RNF170: variants seen among roughly 807,000 people sequenced by gnomAD.
RNF170 encodes the protein E3 ubiquitin-protein ligase RNF170.
In RNF170, 12 loss-of-function variants were observed where a neutral mutation model predicts 32.7. That is an observed-to-expected ratio of 0.37 (90% CI 0.24 to 0.60). RNF170 has a LOEUF of 0.60. RNF170 is among the 20% of genes least tolerant of loss of function. The pLI is 0.72. For missense variants in RNF170, 212 were observed against 311.2 expected (o/e 0.68, Z 2.40); for synonymous variants, 91 against 103.6 (o/e 0.88, Z 0.74).
At chr8:42,869,924 A>T in intron 4 of RNF170, 80 bp downstream of exon 4, 2 of 967,984 alleles carry the variant, frequency 2.1e-6, no homozygotes, top group Non-Finnish European at 3.3e-6. Context: ...ACAAAGAGAA[A>T]ATTGGGAATC....
chr8:42,896,274 G>T lies in RNF170; in HGVS notation c.-8+210C>A, dbSNP rs757704264. On this transcript the variant is annotated intron_variant, in intron 1 of 6. Coordinates refer to ENST00000527424, the MANE Select transcript of RNF170 (RefSeq NM_030954.4). ...CCCACCTAGAGCCGCTCTCCGCGTC[G>T]GCCCCTCCACCGTCGCCGGCGACTC... The T allele has an allele frequency of 1.3e-3, 450 of 343,644 alleles. 1 individual carries two copies. Among genetic ancestry groups the T allele is most frequent in the Non-Finnish European group, 2.2e-3 (386 of 178,546 alleles). The allele number at this position is 343,644 out of a possible 1,614,324, so 21.3% of individuals were successfully genotyped here.
At chr8:42,886,432 T>C (rs1003947119) in intron 2 of RNF170, among the ~76,000 whole-genome samples, 3 of 152,122 alleles carry the variant, frequency 2.0e-5, no homozygotes, top group Non-Finnish European at 4.4e-5. Context: ...TCACTCTGGA[T>C]TATCACTCTA....
Position 42,858,167 on chromosome 8 carries a change from A to G in RNF170, c.508-1739T>C, listed in dbSNP as rs565464414. On this transcript the variant is annotated intron_variant, in intron 6 of 6. Coordinates refer to ENST00000527424, the MANE Select transcript of RNF170 (RefSeq NM_030954.4). ...TCACCGGAGGATATGTAAAAAAAAA[A>G]TTGCTGGGTCAAAATTGCAGAAGAG... Among the ~76,000 whole-genome samples the G allele has an allele frequency of 2.0e-5, 3 of 152,300 alleles. No homozygotes were observed. The South Asian group carries it at 6.2e-4, about 32-fold the overall frequency.
intron 1 of RNF170, among the ~76,000 whole-genome samples, chr8:42,894,805 C>T (rs1224115545): frequency 6.6e-6 from 1 of 152,120 alleles, no homozygotes; most frequent in Admixed American, 6.5e-5. Context: ...CCGCTCGCCT[C>T]GGCCTCCCAA....
chr8:42,862,857 C>T (rs1371033455), intron 5 of RNF170, among the ~76,000 whole-genome samples: 2 of 152,222 alleles, frequency 1.3e-5, no homozygotes, highest in Admixed American at 6.5e-5. Flanking sequence ...CAAAAGCCTG[C>T]TCCAGGGTGA....
chr8:42,870,509 T>C (rs993727286), intron 3 of RNF170, among the ~76,000 whole-genome samples: 1 of 152,080 alleles, frequency 6.6e-6, no homozygotes, highest in Non-Finnish European at 1.5e-5. Flanking sequence ...AGTGGATCAC[T>C]TGAGCCTAGG....
At chr8:42,870,192 AAC>A (rs1804423511) in intron 3 of RNF170, 80 bp from the exon 4 acceptor site, 1 of 981,802 alleles carries the variant, frequency 1.0e-6, no homozygotes, top group Admixed American at 1.9e-5. Flanking sequence ...TATATTTGAG[AAC>A]AGAGTCAGCA....
In RNF170 at chr8:42,887,740, T is replaced by A; in HGVS notation, c.125A>T (p.Tyr42Phe). ...VSFALIATLV[Y>F]ALFRNVHQNI... ...CCTTAAATCTCACCTGAAAAGTGCATATACCAGGGTAGCAATCAAAGCGAA... is the reference window on the plus strand; with the variant it reads ...CCTTAAATCTCACCTGAAAAGTGCAAATACCAGGGTAGCAATCAAAGCGAA... Residue 42 changes from tyrosine to phenylalanine, a missense_variant, in exon 2 of 7, where the codon TAT becomes TTT. Around this residue, in one of 2 missense-constraint regions of RNF170, gnomAD observed 115 missense variants for 132.3 expected, o/e 0.87. Transcript: ENST00000527424. The A allele has an allele frequency of 1.9e-6, 3 of 1,614,120 alleles. No individual in the cohort carries two copies. The highest frequency in any genetic ancestry group is 2.5e-6 in the Non-Finnish European group (3 of 1,179,986).
Position 42,870,124 on chromosome 8 carries a change from A to G in RNF170, c.214-12T>C, listed in dbSNP as rs1475426938. The stretch of plus-strand genomic sequence containing the variant: ...GCAGCAGGTGCATCCTAATAAGAAC[A>G]CAGGTGCACACATTGGAACACAACA... On this transcript the variant is annotated splice_polypyrimidine_tract_variant and intron_variant, in intron 3 of 6. Coordinates refer to ENST00000527424, the MANE Select transcript of RNF170 (RefSeq NM_030954.4). 4 of 1,572,110 alleles carry G rather than the reference A, an allele frequency of 2.5e-6. No homozygotes were observed. Among genetic ancestry groups the G allele is most frequent in the Non-Finnish European group, 3.5e-6 (4 of 1,142,100 alleles).
At chr8:42,870,465 G>A (rs113435644) in intron 3 of RNF170, among the ~76,000 whole-genome samples, 4,761 of 152,212 alleles carry the variant, frequency 0.031, 108 homozygotes, top group Non-Finnish European at 0.049. Flanking sequence ...AGTGACTCAC[G>A]CCTGTAATCC....
intron 3 of RNF170, among the ~76,000 whole-genome samples, chr8:42,870,936 C>A (rs533093499): frequency 3.9e-5 from 6 of 151,958 alleles, no homozygotes; most frequent in Non-Finnish European, 7.4e-5. Flanking sequence ...TGGCCGGGCA[C>A]GGTGGCTCAC....
At chr8:42,861,394 G>C (rs1265956361) in intron 6 of RNF170, 1 of 188,226 alleles carries the variant, frequency 5.3e-6, no homozygotes, top group Non-Finnish European at 1.1e-5. Context: ...AGGTGGGAGT[G>C]CAATAGTGCG....
chr8:42,888,360 A>G (rs1172669128), intron 1 of RNF170, among the ~76,000 whole-genome samples: 1 of 151,764 alleles, frequency 6.6e-6, no homozygotes, highest in Non-Finnish European at 1.5e-5. Flanking sequence ...CACTGCACCC[A>G]GCCAAATTCT....
chr8:42,857,554 TG>T (rs1447533835), intron 6 of RNF170, among the ~76,000 whole-genome samples: 1 of 152,202 alleles, frequency 6.6e-6, no homozygotes, highest in Non-Finnish European at 1.5e-5. Flanking sequence ...AATAATGAAA[TG>T]GTTTAGTAAG....
At chr8:42,866,429 A>G (rs1328529118) in intron 4 of RNF170, among the ~76,000 whole-genome samples, 1 of 151,702 alleles carries the variant, frequency 6.6e-6, no homozygotes, top group East Asian at 1.9e-4. Flanking sequence ...TTGGGAGGCT[A>G]CTTGGGAGCT....
rs1477018336 is a variant in RNF170 at position 42,863,978 on chromosome 8, AGAGTGTGTGTGTGTGTGTGTGTGT to A, written c.396+1414_396+1437del. 8.6e-5 allele frequency among the ~76,000 whole-genome samples: 6 copies of A among 70,146 alleles called. No homozygotes were observed. The South Asian group carries it at 3.6e-3, about 42-fold the overall frequency. 46.0% of individuals were successfully genotyped at this position (70,146 alleles called of 152,430 possible). ...TAAAGGCTGAAGGAGAGAGAGAGAG[AGAGTGTGTGTGTGTGTGTGTGTGT>A]GTGTGTGTGTGAACATTCCACCCAC... On this transcript the variant is annotated intron_variant, in intron 5 of 6. Transcript: ENST00000527424.
intron 3 of RNF170, among the ~76,000 whole-genome samples, chr8:42,870,907 A>G (rs1214020615): frequency 6.6e-6 from 1 of 151,928 alleles, no homozygotes; most frequent in Admixed American, 6.6e-5. Flanking sequence ...GTACCTCAGG[A>G]CCTAGAAAAG....
At chr8:42,895,834 G>A (rs1806768842) in intron 1 of RNF170, among the ~76,000 whole-genome samples, 1 of 152,210 alleles carries the variant, frequency 6.6e-6, no homozygotes, top group South Asian at 2.1e-4. Context: ...AAGCTGTAAG[G>A]AAATGATCAC....
At chr8:42,894,346 C>T (rs1463361532) in intron 1 of RNF170, among the ~76,000 whole-genome samples, 3 of 152,206 alleles carry the variant, frequency 2.0e-5, no homozygotes, top group African/African-American at 4.8e-5. Flanking sequence ...GTAGGGCCAG[C>T]ATCTTATCTG....
Sources: gnomAD v4.1 joint callset for allele counts (sites outside exome capture counted in the v4.1 genomes callset) on GRCh38, gnomAD v4.1.1 for gene constraint, gnomAD v4.1.1 regional missense constraint, MANE v1.5 for transcripts, NCBI Gene and HGNC (gene_info 2026-07-23, HGNC 2026-07-21) for gene names.